The following PCDH9 variants were observed in gnomAD, a reference collection of about 807,000 sequenced individuals.
The protein encoded by PCDH9 is protocadherin-9.
A neutral mutation model predicts 70.6 loss-of-function variants in PCDH9; 24 were observed. That is an observed-to-expected ratio of 0.34 (90% CI 0.25 to 0.48). The LOEUF is 0.48. Among genes scored for constraint, PCDH9 ranks in the 20% least tolerant of loss-of-function variants. The pLI, the probability that PCDH9 is intolerant of heterozygous loss-of-function variation, is 0.99. For synonymous variants in PCDH9, 562 were observed against 558.5 expected (o/e 1.01, Z -0.09); for missense variants, 1,281 against 1,503.6 (o/e 0.85, Z 2.45).
chr13:66,921,015 T>C (rs948962570), intron 2 of PCDH9, among the ~76,000 whole-genome samples: 1 of 151,150 alleles, frequency 6.6e-6, no homozygotes, highest in Non-Finnish European at 1.5e-5. Context: ...GGAATGAAGG[T>C]TTCTTCTTTG....
intron 4 of PCDH9, among the ~76,000 whole-genome samples, chr13:66,573,930 G>A (rs74093361): frequency 0.033 from 4,957 of 152,050 alleles, 264 homozygotes; most frequent in African/African-American, 0.11. Flanking sequence ...ATATTTTCCA[G>A]CTTTATTTCT....
chr13:66,467,260 A>T (rs1474803930), intron 4 of PCDH9, among the ~76,000 whole-genome samples: 1 of 152,042 alleles, frequency 6.6e-6, no homozygotes, highest in East Asian at 1.9e-4. Flanking sequence ...AGCCTGAAAG[A>T]CTACGTTTAA....
At chr13:66,733,104 A>G (rs1326004931) in intron 3 of PCDH9, among the ~76,000 whole-genome samples, 2 of 152,156 alleles carry the variant, frequency 1.3e-5, no homozygotes, top group South Asian at 2.1e-4. Flanking sequence ...TGTGATGTAG[A>G]TCATTATCCT....
intron 4 of PCDH9, among the ~76,000 whole-genome samples, chr13:66,544,568 T>C (rs1961101499): frequency 6.6e-6 from 1 of 152,166 alleles, no homozygotes; most frequent in African/African-American, 2.4e-5. Context: ...CAGTGCTACC[T>C]TACAGGCAGT....
chr13:67,068,275 TAA>T (rs1270861051), intron 2 of PCDH9, among the ~76,000 whole-genome samples: 1 of 151,540 alleles, frequency 6.6e-6, no homozygotes, highest in Admixed American at 6.6e-5. Flanking sequence ...ATTAATTTAT[TAA>T]AAGTTTATTT....
chr13:67,035,865 A>G (rs2084999139), intron 2 of PCDH9, among the ~76,000 whole-genome samples: 1 of 152,066 alleles, frequency 6.6e-6, no homozygotes, highest in African/African-American at 2.4e-5. Context: ...CAAATCCAAT[A>G]TTTGTCCTTG....
chr13:66,920,117 C>T (rs1194953733), intron 2 of PCDH9, among the ~76,000 whole-genome samples: 1 of 151,004 alleles, frequency 6.6e-6, no homozygotes, highest in African/African-American at 2.4e-5. Flanking sequence ...TACTTGATAT[C>T]TAAACACTGT....
chr13:66,787,846 G>A (rs1488532708), intron 3 of PCDH9, among the ~76,000 whole-genome samples: 3 of 152,066 alleles, frequency 2.0e-5, no homozygotes, highest in Non-Finnish European at 2.9e-5. Context: ...CTATGACACA[G>A]TAATAAAGTG....
At chr13:66,873,975 G>A (rs1018490119) in intron 3 of PCDH9, among the ~76,000 whole-genome samples, 2 of 106,600 alleles carry the variant, frequency 1.9e-5, no homozygotes, top group African/African-American at 7.5e-5. Flanking sequence ...GTCTCACTGT[G>A]TTAGCCAGGC....
At chr13:66,950,177 A>G (rs1282430672) in intron 2 of PCDH9, among the ~76,000 whole-genome samples, 4 of 152,162 alleles carry the variant, frequency 2.6e-5, no homozygotes, top group Non-Finnish European at 1.5e-5. Flanking sequence ...ACAGTTTAAG[A>G]ATGGTTGTAT....
rs769878419 is a variant in PCDH9, at chr13:67,227,630, C to T, written c.811G>A (p.Val271Ile). 1.1e-5 allele frequency: 17 copies of T among 1,613,624 alleles called. No individual in the cohort carries two copies. The highest frequency in any genetic ancestry group is 1.4e-5 in the Non-Finnish European group (16 of 1,179,656). The change falls in exon 2 of 5, where the codon GTA (valine) becomes ATA (isoleucine). Residue 271 changes from valine (V) to isoleucine (I), a missense_variant. By Grantham distance (29) the Val-to-Ile change is conservative. Around this residue, in one of 4 missense-constraint regions of PCDH9, gnomAD observed 798 missense variants for 1,003.1 expected, o/e 0.80. Coordinates refer to ENST00000377865, the MANE Select transcript of PCDH9 (RefSeq NM_203487.3). This position sits in a 1 kb window ranked among gnomAD's most constrained non-coding sequence, Gnocchi z 4.6. ...GCATCAGTGGCATGGAGCTGAATTA[C>T]AGAGGTACCTACGGGAGCATTCTCT... is the stretch of plus-strand genomic sequence containing the variant. Reference protein sequence around the residue: ...IPENAPVGTSVIQLHATDADI... With the variant: ...IPENAPVGTSIIQLHATDADI...
intron 3 of PCDH9, among the ~76,000 whole-genome samples, chr13:66,636,767 T>TAC (rs35673213): frequency 1.8e-4 from 27 of 151,702 alleles, no homozygotes; most frequent in South Asian, 1.0e-3. Flanking sequence ...GCTAAATACA[T>TAC]ACACACACAC....
At chr13:66,575,530 C>A (rs979884552) in intron 4 of PCDH9, among the ~76,000 whole-genome samples, 1 of 152,128 alleles carries the variant, frequency 6.6e-6, no homozygotes, top group Admixed American at 6.5e-5. Flanking sequence ...CACCCCATGC[C>A]TACCACCTTC....
At chr13:66,438,381 A>C (rs1451806588) in intron 4 of PCDH9, among the ~76,000 whole-genome samples, 1 of 152,196 alleles carries the variant, frequency 6.6e-6, no homozygotes, top group East Asian at 1.9e-4. Context: ...TTATCTGAAC[A>C]AATTGGGCAT....
intron 2 of PCDH9, among the ~76,000 whole-genome samples, chr13:67,058,489 G>C (rs55756666): frequency 1.0e-3 from 155 of 152,166 alleles, no homozygotes; most frequent in Non-Finnish European, 1.7e-3. Flanking sequence ...CCCTCGTCAG[G>C]GCCATGGTCT....
intron 4 of PCDH9, among the ~76,000 whole-genome samples, chr13:66,436,161 A>C (rs560671152): frequency 6.6e-6 from 1 of 152,260 alleles, no homozygotes; most frequent in African/African-American, 2.4e-5. Context: ...CTTTGTTGAA[A>C]GTTCATTGCC....
intron 4 of PCDH9, among the ~76,000 whole-genome samples, chr13:66,364,359 T>G (rs1956519794): frequency 6.6e-6 from 1 of 152,194 alleles, no homozygotes; most frequent in Non-Finnish European, 1.5e-5. Flanking sequence ...CATTTTTAAT[T>G]ATGATTGAGT....
At chr13:66,948,626 G>A (rs2083128260) in intron 2 of PCDH9, among the ~76,000 whole-genome samples, 1 of 151,912 alleles carries the variant, frequency 6.6e-6, no homozygotes, top group Non-Finnish European at 1.5e-5. Context: ...AAAAATGAAT[G>A]CTGTAAAACA....
chr13:66,912,386 G>A (rs1486712142), intron 2 of PCDH9, among the ~76,000 whole-genome samples: 2 of 152,076 alleles, frequency 1.3e-5, no homozygotes, highest in African/African-American at 4.8e-5. Context: ...TTTATAGCAT[G>A]TTCCATTAAC....
Sources: allele counts gnomAD v4.1 joint callset (sites outside exome capture counted in the v4.1 genomes callset), GRCh38; gene constraint gnomAD v4.1.1; regional missense constraint gnomAD v4.1.1; non-coding constraint Gnocchi (gnomAD v3.1); transcripts MANE v1.5; gene names NCBI Gene and HGNC (gene_info 2026-07-23, HGNC 2026-07-21).